Variants in RRN3 observed in about 807,000 individuals in gnomAD.
RRN3 encodes RNA polymerase I-specific transcription initiation factor RRN3.
RRN3 carries 38 observed loss-of-function variants against 82.3 expected under a neutral mutation model. That is an observed-to-expected ratio of 0.46 (90% CI 0.36 to 0.61). The LOEUF (loss-of-function observed/expected upper bound fraction) is 0.61. Among genes scored for constraint, RRN3 ranks in the 20% least tolerant of loss-of-function variants. The pLI is 0.00. For synonymous variants in RRN3, 284 were observed against 284.3 expected, an observed-to-expected ratio of 1.00 and a Z score of 0.01; for missense variants, 726 against 793.1, an observed-to-expected ratio of 0.92 and a Z score of 1.02.
intron 17 of RRN3, among the ~76,000 whole-genome samples, chr16:15,062,487 C>A (rs1445261309): frequency 6.6e-6 from 1 of 152,220 alleles, no homozygotes; most frequent in South Asian, 2.1e-4. Flanking sequence ...TCCCAAGCAA[C>A]AGAGCAGCGA....
intron 6 of RRN3, 55 bp from the exon 7 acceptor site, chr16:15,084,760 C>A: frequency 8.2e-7 from 1 of 1,217,356 alleles, no homozygotes; most frequent in Non-Finnish European, 1.2e-6. Context: ...AAGGGCGACA[C>A]GCTTGAAGCT....
chr16:15,071,353 T>G, intron 12 of RRN3, 102 bp from the exon 13 acceptor site: 1 of 1,076,176 alleles, frequency 9.3e-7, no homozygotes, highest in African/African-American at 1.6e-5. Flanking sequence ...GGAAAAGTTC[T>G]ACTATCTCAT....
At chr16:15,079,100 A>T (rs2045588910) in intron 9 of RRN3, among the ~76,000 whole-genome samples, 1 of 151,900 alleles carries the variant, frequency 6.6e-6, no homozygotes, top group Non-Finnish European at 1.5e-5. Context: ...GTGAGCCACC[A>T]CGCCCGGCCT....
intron 2 of RRN3, among the ~76,000 whole-genome samples, chr16:15,091,739 A>T (rs2046137554): frequency 6.6e-6 from 1 of 152,220 alleles, no homozygotes; most frequent in Non-Finnish European, 1.5e-5. Context: ...AATGGATATT[A>T]CATATAAACA....
chr16:15,092,562 T>C lies in RRN3; in HGVS notation c.142A>G (p.Lys48Glu). Residue 48 changes from lysine to glutamate, a missense_variant, in exon 2 of 18, where the codon AAA becomes GAA. Around this residue, in one of 4 missense-constraint regions of RRN3, gnomAD observed 135 missense variants for 87.4 expected, o/e 1.55. Coordinates refer to ENST00000198767, the MANE Select transcript of RRN3 (RefSeq NM_018427.5). ...ENDFFNSPPR[K>E]TVRFGGTVTE... ...ACAGTTCCACCAAACCGAACAGTTT[T>C]TCTTGGGGGAGAATTGAAAAAGTCA... The C allele has an allele frequency of 6.2e-7, 1 of 1,613,776 alleles. No individual in the cohort carries two copies. The highest frequency in any genetic ancestry group is 8.5e-7 in the Non-Finnish European group (1 of 1,179,694).
intron 15 of RRN3, among the ~76,000 whole-genome samples, chr16:15,065,660 G>A (rs1341820553): frequency 6.6e-6 from 1 of 152,080 alleles, no homozygotes; most frequent in Non-Finnish European, 1.5e-5. Flanking sequence ...ATTTTAATGA[G>A]TAATAGATAC....
chr16:15,072,539 C>A (rs1186409891), intron 12 of RRN3, among the ~76,000 whole-genome samples: 2 of 152,114 alleles, frequency 1.3e-5, no homozygotes, highest in Non-Finnish European at 2.9e-5. Context: ...CAGTTGTTCA[C>A]ACCTGTAATC....
chr16:15,092,335 A>G (rs903140172), intron 2 of RRN3, among the ~76,000 whole-genome samples, 174 bp downstream of exon 2: 2 of 152,152 alleles, frequency 1.3e-5, no homozygotes, highest in Admixed American at 6.5e-5. Context: ...AAGGTGGGGG[A>G]AAAAAAGGAC....
chr16:15,088,078 T>C (rs957619662), intron 3 of RRN3, among the ~76,000 whole-genome samples: 4 of 151,726 alleles, frequency 2.6e-5, no homozygotes, highest in East Asian at 1.9e-4. Flanking sequence ...ATCATGCCAC[T>C]GCACTCCAGC....
intron 14 of RRN3, among the ~76,000 whole-genome samples, chr16:15,068,774 G>T (rs942346999): frequency 2.0e-5 from 3 of 152,152 alleles, no homozygotes; most frequent in African/African-American, 7.2e-5. Context: ...TACCTCAACG[G>T]ACGGCAAATT....
At chr16:15,083,936 G>A (rs996595630) in intron 7 of RRN3, among the ~76,000 whole-genome samples, 67 of 152,246 alleles carry the variant, frequency 4.4e-4, no homozygotes, top group African/African-American at 1.5e-3. Context: ...GGCTGGTCTC[G>A]AACTCCCGAC....
In RRN3 at chr16:15,065,261, G is replaced by T; in HGVS notation, c.1664C>A (p.Pro555Gln). ...ATCAAAGGGGAAGAAGGTGTCCAGCGGGTTTGTGCAGATCTGCACTGAGTC... is the reference window on the plus strand; with the variant it reads ...ATCAAAGGGGAAGAAGGTGTCCAGCTGGTTTGTGCAGATCTGCACTGAGTC... ...GGDSVQICTN[P>Q]LDTFFPFDPC... The change falls in exon 16 of 18, where the codon CCG (proline) becomes CAG (glutamine). Residue 555 changes from proline to glutamine, a missense_variant. This residue lies in a region of RRN3 where 166 missense variants were observed against 154.8 expected (regional missense o/e 1.07). Coordinates refer to ENST00000198767, the MANE Select transcript of RRN3 (RefSeq NM_018427.5). 1 of 1,613,848 alleles carries T rather than the reference G, an allele frequency of 6.2e-7. No individual in the cohort carries two copies. Among genetic ancestry groups the T allele is most frequent in the Non-Finnish European group, 8.5e-7 (1 of 1,179,820 alleles).
At position 15,061,485 on chromosome 16, in the gene RRN3, A is replaced by T. The variant is rs2151752444; in HGVS notation, c.*259T>A. On this transcript the variant is annotated 3_prime_UTR_variant, in exon 18 of 18. Coordinates refer to ENST00000198767, the MANE Select transcript of RRN3 (RefSeq NM_018427.5). The stretch of plus-strand genomic sequence containing the variant: ...AAAAAATGTACATATTAAACAAGCA[A>T]ATCCTTCCAAATGTATCATCAACCC... 5.1e-6 allele frequency: 2 copies of T among 393,912 alleles called. No homozygotes were observed. Among genetic ancestry groups the T allele is most frequent in the African/African-American group, 4.1e-5 (2 of 48,774 alleles). 24.4% of individuals were successfully genotyped at this position (393,912 alleles called of 1,614,324 possible).
intron 12 of RRN3, 93 bp from the exon 13 acceptor site, chr16:15,071,344 G>A: frequency 2.5e-6 from 3 of 1,187,600 alleles, no homozygotes; most frequent in Non-Finnish European, 3.6e-6. Context: ...CCAATGTAGG[G>A]AAAAGTTCTA....
intron 17 of RRN3, among the ~76,000 whole-genome samples, chr16:15,062,296 GA>G (rs1227986942): frequency 6.6e-6 from 1 of 152,160 alleles, no homozygotes; most frequent in African/African-American, 2.4e-5. Flanking sequence ...CAGGAAACAT[GA>G]CGAGTCATTC....
intron 13 of RRN3, among the ~76,000 whole-genome samples, chr16:15,070,588 C>G (rs1164691410): frequency 6.6e-6 from 1 of 152,130 alleles, no homozygotes; most frequent in South Asian, 2.1e-4. Flanking sequence ...TTCACCAACA[C>G]CTCTCAAGAG....
At chr16:15,080,325 AAGT>A (rs1248214531) in intron 8 of RRN3, among the ~76,000 whole-genome samples, 1 of 152,240 alleles carries the variant, frequency 6.6e-6, no homozygotes, top group Non-Finnish European at 1.5e-5. Context: ...ATAGGTTTTT[AAGT>A]AGCTGTATTG....
At chr16:15,076,394 T>G in intron 10 of RRN3, 164 bp downstream of exon 10, 2 of 651,534 alleles carry the variant, frequency 3.1e-6, no homozygotes. Context: ...CTATGCTAAG[T>G]GCTAAATGAC....
intron 9 of RRN3, among the ~76,000 whole-genome samples, chr16:15,079,268 T>C (rs1261055672): frequency 5.9e-5 from 9 of 152,202 alleles, no homozygotes; most frequent in Non-Finnish European, 7.3e-5. Context: ...TAGAATCTAC[T>C]ACTTCCTTTC....
Sources: allele counts gnomAD v4.1 joint callset (sites outside exome capture counted in the v4.1 genomes callset), GRCh38; gene constraint gnomAD v4.1.1; regional missense constraint gnomAD v4.1.1; transcripts MANE v1.5; gene names NCBI Gene and HGNC (gene_info 2026-07-23, HGNC 2026-07-21).